PDE4D: variants seen among roughly 807,000 people sequenced by gnomAD.
PDE4D encodes phosphodiesterase 4D.
PDE4D carries 24 observed loss-of-function variants against 87.4 expected under a neutral mutation model. The ratio of observed to expected loss-of-function variants is 0.27; its 90% CI spans 0.20 to 0.39. The LOEUF (loss-of-function observed/expected upper bound fraction) is 0.39, where lower values mean the gene tolerates loss of function less well. Among genes scored for constraint, PDE4D ranks in the 10% least tolerant of loss-of-function variants. The pLI is 1.00. For synonymous variants in PDE4D, 384 were observed against 383.2 expected (o/e 1.00, Z -0.02); for missense variants, 714 against 1,041.0 (o/e 0.69, Z 4.32).
chr5:60,032,521 G>A (rs565077505), intron 2 of PDE4D, among the ~76,000 whole-genome samples: 27 of 152,194 alleles, frequency 1.8e-4, no homozygotes, highest in South Asian at 8.3e-4. Context: ...ACTCATTCCC[G>A]CAATATGTTA....
At chr5:59,209,170 A>T (rs2153502009) in intron 2 of PDE4D, among the ~76,000 whole-genome samples, 1 of 152,146 alleles carries the variant, frequency 6.6e-6, no homozygotes, top group South Asian at 2.1e-4. Flanking sequence ...TCACATAGAG[A>T]TCTGATTTAT....
At chr5:59,039,604 C>T in intron 5 of PDE4D, 1 of 734,798 alleles carries the variant, frequency 1.4e-6, no homozygotes, top group Middle Eastern at 6.7e-4. Flanking sequence ...TCACGCCCCT[C>T]TCGGCCCTCG....
intron 1 of PDE4D, among the ~76,000 whole-genome samples, chr5:59,580,469 C>T (rs1308359400): frequency 1.3e-5 from 2 of 152,020 alleles, no homozygotes; most frequent in Admixed American, 6.6e-5. Context: ...CTAATAAATT[C>T]TTCTTTTATT....
Position 59,843,198 on chromosome 5 carries a change from G to A in PDE4D, c.455+49970C>T, listed in dbSNP as rs140305763. ...TGCTACAATATAAATAGCATGATAA[G>A]CCCTATCAAAGGTCAAAATCTAATT... On this transcript the variant is annotated intron_variant, in intron 1 of 14. Transcript: ENST00000340635. 1.3e-4 allele frequency among the ~76,000 whole-genome samples: 20 copies of A among 151,944 alleles called. No individual in the cohort carries two copies. In the East Asian group the frequency reaches 2.5e-3, roughly 19 times the overall value.
chr5:59,430,466 G>A (rs1052614078), intron 1 of PDE4D: 1 of 1,224,636 alleles, frequency 8.2e-7, no homozygotes, highest in Non-Finnish European at 1.0e-6. Context: ...AGTCAGACCA[G>A]CATTCCTGGG....
chr5:59,597,967 C>G (rs1179495750), intron 1 of PDE4D, among the ~76,000 whole-genome samples: 2 of 152,040 alleles, frequency 1.3e-5, no homozygotes, highest in African/African-American at 4.8e-5. Context: ...TTGGCATATT[C>G]CATTCCTAAA....
At chr5:60,063,102 GAAAGA>G (rs1562044291) in intron 2 of PDE4D, among the ~76,000 whole-genome samples, 1,481 of 61,622 alleles carry the variant, frequency 0.024, 13 homozygotes, top group South Asian at 0.045. Context: ...AAAGAAGAAA[GAAAGA>G]AAGAAAGAAA....
chr5:60,446,656 A>G (rs1459346982), intron 1 of PDE4D, among the ~76,000 whole-genome samples: 1 of 152,186 alleles, frequency 6.6e-6, no homozygotes, highest in South Asian at 2.1e-4. Context: ...CAGAAGTAAC[A>G]AAGGGAAAAA....
Position 59,336,843 on chromosome 5 carries a change from C to T in PDE4D, c.456-120875G>A, listed in dbSNP as rs535460875. Among the ~76,000 whole-genome samples the T allele has an allele frequency of 2.0e-5, 3 of 152,262 alleles. No individual in the cohort carries two copies. In the East Asian group the frequency reaches 5.8e-4, roughly 29 times the overall value. On this transcript the variant is annotated intron_variant, in intron 1 of 14. Coordinates refer to ENST00000340635, the MANE Select transcript of PDE4D (RefSeq NM_001104631.2). ...AGCAGATGATGACTTGGGTCTCCTG[C>T]CTACCAAGAAGCCCAGTGCGCTGGC... is the stretch of plus-strand genomic sequence containing the variant.
intron 1 of PDE4D, among the ~76,000 whole-genome samples, chr5:59,687,476 T>G (rs796932474): frequency 1.4e-4 from 21 of 152,186 alleles, no homozygotes; most frequent in African/African-American, 4.8e-4. Context: ...CCAAACTAAG[T>G]TTCATAAGTG....
upstream of PDE4D, chr5:59,893,764 G>A (rs1273822969): frequency 5.2e-6 from 7 of 1,353,204 alleles, no homozygotes; most frequent in Admixed American, 4.1e-5. Flanking sequence ...CTCACTTGAA[G>A]GCGCCAGAGC....
intron 1 of PDE4D, among the ~76,000 whole-genome samples, chr5:60,478,002 T>C (rs1413928745): frequency 2.0e-5 from 3 of 152,176 alleles, no homozygotes; most frequent in Non-Finnish European, 4.4e-5. Flanking sequence ...CATTTATCCA[T>C]TTAATCCAAA....
chr5:59,610,534 C>T (rs1828854864), intron 1 of PDE4D, among the ~76,000 whole-genome samples: 1 of 152,160 alleles, frequency 6.6e-6, no homozygotes. Context: ...TTCTCAACTG[C>T]CACATGTTTT....
chr5:60,274,122 T>C (rs1751112811), intron 1 of PDE4D, among the ~76,000 whole-genome samples: 1 of 152,120 alleles, frequency 6.6e-6, no homozygotes, highest in African/African-American at 2.4e-5. Context: ...TAGCTGAGTA[T>C]GAAGAGGTAA....
chr5:60,240,516 A>G (rs1250379086), intron 1 of PDE4D, among the ~76,000 whole-genome samples: 1 of 152,054 alleles, frequency 6.6e-6, no homozygotes, highest in East Asian at 1.9e-4. Context: ...AGTGAACAGT[A>G]CCTTAAGTAC....
intron 1 of PDE4D, among the ~76,000 whole-genome samples, chr5:60,220,754 T>C (rs1343781758): frequency 6.6e-6 from 1 of 152,160 alleles, no homozygotes; most frequent in African/African-American, 2.4e-5. Flanking sequence ...TTTTTCTCAA[T>C]TACAATGGTT....
At chr5:59,835,596 A>C (rs1741897814) in intron 1 of PDE4D, among the ~76,000 whole-genome samples, 1 of 152,088 alleles carries the variant, frequency 6.6e-6, no homozygotes, top group Non-Finnish European at 1.5e-5. Context: ...AATAAGTTGG[A>C]TAATACGTAA....
rs537418341 is a variant in PDE4D at position 59,527,952 on chromosome 5, T to C, written c.456-311984A>G. The stretch of plus-strand genomic sequence containing the variant: ...AAAAGTCTTAAGTATCCTTCTGTTA[T>C]ATCTGAAACCTCAACTCCTCAACTC... On this transcript the variant is annotated intron_variant, in intron 1 of 14. Coordinates refer to ENST00000340635, the MANE Select transcript of PDE4D (RefSeq NM_001104631.2). Among the ~76,000 whole-genome samples the C allele has an allele frequency of 9.2e-5, 14 of 152,326 alleles. No homozygotes were observed. The South Asian group carries it at 2.9e-3, about 32-fold the overall frequency.
At chr5:60,357,174 TA>T (rs1759691379) in intron 1 of PDE4D, among the ~76,000 whole-genome samples, 1 of 151,160 alleles carries the variant, frequency 6.6e-6, no homozygotes, top group Admixed American at 6.6e-5. Flanking sequence ...AAGCAGGGAA[TA>T]ATTGAAATCA....
Sources: gnomAD v4.1 joint callset for allele counts (sites outside exome capture counted in the v4.1 genomes callset) on GRCh38, gnomAD v4.1.1 for gene constraint, MANE v1.5 for transcripts, NCBI Gene and HGNC (gene_info 2026-07-23, HGNC 2026-07-21) for gene names.